Variants in MDFIC2 observed in about 807,000 individuals in gnomAD.
MDFIC2 encodes the protein myoD family inhibitor domain-containing protein 2.
chr3:70,254,022 C>A lies in MDFIC2; in HGVS notation c.89-47232G>T, dbSNP rs79649575. On this transcript the variant is annotated intron_variant, in intron 2 of 3. Coordinates refer to ENST00000567252, the MANE Select transcript of MDFIC2 (RefSeq NM_001364677.1). Reference sequence around the variant, plus strand: ...AGGGTTAACAAATGCAGAGATAAGACTAATTATGAATCTGTACAGTTTGAT... The same window carrying A: ...AGGGTTAACAAATGCAGAGATAAGAATAATTATGAATCTGTACAGTTTGAT... Among the ~76,000 whole-genome samples, 898 of 152,208 alleles carry A rather than the reference C, an allele frequency of 5.9e-3. 9 individuals are homozygous for A. The highest frequency in any genetic ancestry group is 0.021 in the African/African-American group (879 of 41,536).
chr3:70,265,198 A>C (rs1200062386), intron 2 of MDFIC2, among the ~76,000 whole-genome samples: 1 of 152,188 alleles, frequency 6.6e-6, no homozygotes, highest in African/African-American at 2.4e-5. Context: ...GGGAGAATGT[A>C]AAGTAGGCTA....
intron 2 of MDFIC2, among the ~76,000 whole-genome samples, chr3:70,252,737 G>C (rs376232422): frequency 3.3e-5 from 5 of 151,962 alleles, no homozygotes; most frequent in African/African-American, 4.8e-5. Flanking sequence ...TCAGGAACTG[G>C]TTCTGTGGAT....
chr3:70,270,717 G>A (rs944341326), intron 2 of MDFIC2, among the ~76,000 whole-genome samples: 1 of 152,072 alleles, frequency 6.6e-6, no homozygotes, highest in Non-Finnish European at 1.5e-5. Context: ...TAAAAAGGAC[G>A]AGTTCATGTC....
chr3:70,306,952 A>G (rs540105711), intron 2 of MDFIC2, among the ~76,000 whole-genome samples: 23 of 152,264 alleles, frequency 1.5e-4, no homozygotes, highest in Admixed American at 5.9e-4. Context: ...TGCTCATACA[A>G]ATAAATATGT....
intron 2 of MDFIC2, among the ~76,000 whole-genome samples, chr3:70,222,459 G>A (rs1314956515): frequency 6.6e-6 from 1 of 152,118 alleles, no homozygotes; most frequent in South Asian, 2.1e-4. Context: ...GTGTCTATGT[G>A]CTTACAAGTT....
intron 2 of MDFIC2, among the ~76,000 whole-genome samples, chr3:70,242,979 T>C (rs902475663): frequency 1.3e-5 from 2 of 152,194 alleles, no homozygotes; most frequent in African/African-American, 4.8e-5. Context: ...CTAACCTAAA[T>C]ACTAATTTCC....
intron 2 of MDFIC2, among the ~76,000 whole-genome samples, chr3:70,311,338 G>T (rs1350205065): frequency 6.6e-6 from 1 of 152,152 alleles, no homozygotes; most frequent in African/African-American, 2.4e-5. Flanking sequence ...TTTCAAAAGT[G>T]CGCAAATCTG....
intron 2 of MDFIC2, among the ~76,000 whole-genome samples, chr3:70,241,541 A>T (rs1413765739): frequency 6.6e-6 from 1 of 152,184 alleles, no homozygotes; most frequent in Admixed American, 6.5e-5. Context: ...TTGAATCCTC[A>T]TAACATTGCT....
chr3:70,221,767 C>T (rs994051886), intron 2 of MDFIC2, among the ~76,000 whole-genome samples: 10 of 152,040 alleles, frequency 6.6e-5, no homozygotes, highest in Non-Finnish European at 1.0e-4. Context: ...TCCTTGGGAC[C>T]GTGATTATAT....
rs960038905 is a variant in MDFIC2 at position 70,195,991 on chromosome 3, A to G, written c.*935T>C. Reference sequence around the variant, plus strand: ...AAACATGGTTTCTGAAGCACATGCTATATTAAGAAGCTTGGTGCTGAATAA... The same window carrying G: ...AAACATGGTTTCTGAAGCACATGCTGTATTAAGAAGCTTGGTGCTGAATAA... On this transcript the variant is annotated 3_prime_UTR_variant, in exon 4 of 4. Transcript: ENST00000567252. Among the ~76,000 whole-genome samples the G allele has an allele frequency of 4.6e-5, 7 of 152,224 alleles. No homozygotes were observed. The highest frequency in any genetic ancestry group is 7.2e-5 in the African/African-American group (3 of 41,472).
intron 2 of MDFIC2, among the ~76,000 whole-genome samples, chr3:70,264,177 AT>A (rs1701893459): frequency 6.6e-6 from 1 of 152,242 alleles, no homozygotes. Flanking sequence ...TCATTTTAAA[AT>A]ATATACAGAT....
intron 2 of MDFIC2, among the ~76,000 whole-genome samples, chr3:70,303,990 T>C (rs1243800588): frequency 6.6e-6 from 1 of 152,164 alleles, no homozygotes; most frequent in Non-Finnish European, 1.5e-5. Context: ...GCCTGATAGT[T>C]CTTTAGAGAA....
chr3:70,219,755 A>G (rs977782717), intron 2 of MDFIC2, among the ~76,000 whole-genome samples: 3 of 152,182 alleles, frequency 2.0e-5, no homozygotes, highest in Middle Eastern at 3.2e-3. Flanking sequence ...GATTAAGAGC[A>G]ATTCTGAAAC....
chr3:70,269,577 A>G lies in MDFIC2; in HGVS notation c.88+42309T>C, dbSNP rs186363288. Reference sequence around the variant, plus strand: ...GCAGGGTTGGAGTCTCTCTGAACCAATTTTGGTTCAGGGGCTGCCCAGTTC... The same window carrying G: ...GCAGGGTTGGAGTCTCTCTGAACCAGTTTTGGTTCAGGGGCTGCCCAGTTC... On this transcript the variant is annotated intron_variant, in intron 2 of 3. Coordinates refer to ENST00000567252, the MANE Select transcript of MDFIC2 (RefSeq NM_001364677.1). 3.3e-5 allele frequency among the ~76,000 whole-genome samples: 5 copies of G among 152,290 alleles called. No homozygotes were observed. The East Asian group carries it at 7.7e-4, about 23-fold the overall frequency.
intron 2 of MDFIC2, among the ~76,000 whole-genome samples, chr3:70,224,875 T>G (rs1014830979): frequency 6.6e-6 from 1 of 152,192 alleles, no homozygotes; most frequent in Non-Finnish European, 1.5e-5. Context: ...GCTGAAAATG[T>G]ATGTTAAGTG....
At chr3:70,250,798 A>G (rs1389906373) in intron 2 of MDFIC2, among the ~76,000 whole-genome samples, 2 of 152,216 alleles carry the variant, frequency 1.3e-5, no homozygotes, top group African/African-American at 4.8e-5. Context: ...AGACATAAAC[A>G]TATGCATTTC....
At chr3:70,230,020 A>G (rs902254903) in intron 2 of MDFIC2, among the ~76,000 whole-genome samples, 7 of 152,170 alleles carry the variant, frequency 4.6e-5, no homozygotes, top group African/African-American at 7.2e-5. Context: ...TAATTTTATC[A>G]TATTAAAAGT....
chr3:70,217,840 G>T (rs1270481488), intron 2 of MDFIC2, among the ~76,000 whole-genome samples: 1 of 152,114 alleles, frequency 6.6e-6, no homozygotes, highest in Non-Finnish European at 1.5e-5. Flanking sequence ...GCTTGGGGGT[G>T]ACATACTGTT....
chr3:70,303,981 C>G (rs1702376509), intron 2 of MDFIC2, among the ~76,000 whole-genome samples: 1 of 152,174 alleles, frequency 6.6e-6, no homozygotes. Flanking sequence ...TCATGCCCAG[C>G]CTGATAGTTC....
Sources: allele counts gnomAD v4.1 joint callset (sites outside exome capture counted in the v4.1 genomes callset), GRCh38; gene constraint gnomAD v4.1.1; transcripts MANE v1.5; gene names NCBI Gene and HGNC (gene_info 2026-07-23, HGNC 2026-07-21).